Variants in WNT9B observed in about 807,000 individuals in gnomAD.
WNT9B encodes the protein protein Wnt-9b.
WNT9B carries 12 observed loss-of-function variants against 30.2 expected under a neutral mutation model. The observed-to-expected ratio is 0.40, with a 90% CI of 0.26 to 0.64. The LOEUF (loss-of-function observed/expected upper bound fraction) is 0.64. Ranked by LOEUF, WNT9B falls within the 30% of genes least tolerant of loss-of-function variation. The pLI, the probability that WNT9B is intolerant of heterozygous loss-of-function variation, is 0.42. For synonymous variants in WNT9B, 218 were observed against 216.9 expected (o/e 1.01, Z -0.05); for missense variants, 442 against 485.2 (o/e 0.91, Z 0.84).
chr17:46,884,457 A>C (rs1029497855), downstream of WNT9B, among the ~76,000 whole-genome samples: 1 of 151,692 alleles, frequency 6.6e-6, no homozygotes, highest in Admixed American at 6.6e-5. Context: ...TCTGCTTCTC[A>C]TGTTTCCCCA....
In WNT9B at chr17:46,876,551, A is replaced by G. The variant is rs1012364184; in HGVS notation, c.907A>G (p.Arg303Gly). The change falls in exon 4 of 4, where the codon AGG becomes GGG. Residue 303 changes from arginine (R) to glycine (G), a missense_variant. Coordinates refer to ENST00000290015, the MANE Select transcript of WNT9B (RefSeq NM_003396.3). ...PSKYSPGTAG[R>G]VCSREASCSS... is the part of the protein sequence containing the mutation. Reference sequence around the variant, plus strand: ...CAAGTACTCACCTGGCACAGCAGGTAGGGTGTGCTCCCGGGAGGCCAGCTG... The same window carrying G: ...CAAGTACTCACCTGGCACAGCAGGTGGGGTGTGCTCCCGGGAGGCCAGCTG... 1 of 1,613,636 alleles carries G rather than the reference A, an allele frequency of 6.2e-7. No individual in the cohort carries two copies. The highest frequency in any genetic ancestry group is 8.5e-7 in the Non-Finnish European group (1 of 1,180,008).
chr17:46,883,281 CTT>C (rs75762235), downstream of WNT9B, among the ~76,000 whole-genome samples: 2 of 142,610 alleles, frequency 1.4e-5, no homozygotes, highest in Admixed American at 7.1e-5. Context: ...TGCGCCCGGC[CTT>C]TTTTTTTTTT....
intron 1 of WNT9B, among the ~76,000 whole-genome samples, chr17:46,866,251 G>C (rs2085133521): frequency 6.6e-6 from 1 of 152,156 alleles, no homozygotes; most frequent in African/African-American, 2.4e-5. Context: ...CCAGAGCCAT[G>C]GTGCCCTCTC....
intron 1 of WNT9B, among the ~76,000 whole-genome samples, chr17:46,859,121 T>C (rs1598846274): frequency 6.6e-6 from 1 of 151,908 alleles, no homozygotes; most frequent in Non-Finnish European, 1.5e-5. Flanking sequence ...GAAGTACAGA[T>C]GCCCGCCACT....
downstream of WNT9B, among the ~76,000 whole-genome samples, chr17:46,880,656 C>T (rs17603901): frequency 0.066 from 9,984 of 152,306 alleles, 429 homozygotes; most frequent in Non-Finnish European, 0.099. Flanking sequence ...GAAGCCTCCT[C>T]ATTGCAACTG....
intron 1 of WNT9B, among the ~76,000 whole-genome samples, chr17:46,865,772 AT>A (rs1271387625): frequency 6.6e-6 from 1 of 151,920 alleles, no homozygotes. Flanking sequence ...TGCCCAGCTA[AT>A]TTTTTAATTT....
downstream of WNT9B, among the ~76,000 whole-genome samples, chr17:46,883,823 C>T (rs2100146783): frequency 6.6e-6 from 1 of 152,204 alleles, no homozygotes. Flanking sequence ...TCTTTCTCCC[C>T]ACCCTGCATA....
exon 5 of WNT9B, chr17:46,885,638 A>G (rs567977658): frequency 6.6e-6 from 1 of 152,332 alleles, no homozygotes; most frequent in Non-Finnish European, 1.5e-5. Flanking sequence ...AGTGACAGCC[A>G]TCTGTCAATA....
intron 1 of WNT9B, among the ~76,000 whole-genome samples, chr17:46,862,027 G>A (rs1293607358): frequency 6.6e-6 from 1 of 152,048 alleles, no homozygotes; most frequent in African/African-American, 2.4e-5. Context: ...GCTGGGCGTG[G>A]TGACAGCCGC....
chr17:46,886,724 G>A (rs1449075321), exon 5 of WNT9B: 1 of 152,204 alleles, frequency 6.6e-6, no homozygotes, highest in Admixed American at 6.5e-5. Flanking sequence ...AGCCTATTAA[G>A]ATCTTTAAAC....
chr17:46,872,692 G>T lies in WNT9B; in HGVS notation c.253G>T (p.Gly85Cys). Residue 85 changes from glycine to cysteine, a missense_variant, in exon 2 of 4, where the codon GGC (glycine) becomes TGC (cysteine). Coordinates refer to ENST00000290015, the MANE Select transcript of WNT9B (RefSeq NM_003396.3). The part of the protein sequence containing the change: ...AETLRDAAHL[G>C]LLECQFQFRH... ...GACCCTGAGGGATGCTGCGCACCTCGGCCTGCTTGAGTGCCAGTTTCAGTT... is the reference window on the plus strand; with the variant it reads ...GACCCTGAGGGATGCTGCGCACCTCTGCCTGCTTGAGTGCCAGTTTCAGTT... 6.2e-7 allele frequency: 1 copy of T among 1,613,522 alleles called. No individual in the cohort carries two copies. Among genetic ancestry groups the T allele is most frequent in the Non-Finnish European group, 8.5e-7 (1 of 1,180,000 alleles).
At chr17:46,847,997 C>T (rs369082216), upstream of WNT9B, among the ~76,000 whole-genome samples, 36 of 97,948 alleles carry the variant, frequency 3.7e-4, no homozygotes, top group Admixed American at 1.7e-3. Flanking sequence ...TGTGTGTGTG[C>T]ACGTGCATGT....
At chr17:46,839,367 GGCGGGTCCA>G (rs1178182887) in intron 1 of WNT9B, among the ~76,000 whole-genome samples, 1 of 152,206 alleles carries the variant, frequency 6.6e-6, no homozygotes, top group African/African-American at 2.4e-5. Context: ...CTTAGCCCCT[GGCGGGTCCA>G]GGCAGCACTG....
At chr17:46,858,300 G>A (rs932591606) in intron 1 of WNT9B, among the ~76,000 whole-genome samples, 1 of 152,064 alleles carries the variant, frequency 6.6e-6, no homozygotes, top group Admixed American at 6.6e-5. Flanking sequence ...CCCGTGACTT[G>A]CCGTTTCATT....
At position 46,879,731 on chromosome 17, in the gene WNT9B, A is replaced by G. The variant is rs1254775527; in HGVS notation, c.*3013A>G. 6.6e-6 allele frequency among the ~76,000 whole-genome samples: 1 copy of G among 152,208 alleles called. No individual in the cohort carries two copies. The highest frequency in any genetic ancestry group is 1.5e-5 in the Non-Finnish European group (1 of 68,028). ...CGGGCTGACCTGCTCTGAGCCCAGG[A>G]GCCCCAAAGCCTGGATACCACTGTG... On this transcript the variant is annotated 3_prime_UTR_variant, in exon 4 of 4. Coordinates refer to ENST00000290015, the MANE Select transcript of WNT9B (RefSeq NM_003396.3).
chr17:46,877,640 G>A lies in WNT9B; in HGVS notation c.*922G>A, dbSNP rs946813313. 6.6e-6 allele frequency among the ~76,000 whole-genome samples: 1 copy of A among 152,202 alleles called. No individual in the cohort carries two copies. The highest frequency in any genetic ancestry group is 1.9e-4 in the East Asian group (1 of 5,190). ...TCCTGGTGCCTGGCAGTGACGTGGC[G>A]AGCTCAGTTTCTCAGCTGGCTCTTG... On this transcript the variant is annotated 3_prime_UTR_variant, in exon 4 of 4. Coordinates refer to ENST00000290015, the MANE Select transcript of WNT9B (RefSeq NM_003396.3).
intron 1 of WNT9B, among the ~76,000 whole-genome samples, chr17:46,866,339 TA>T (rs1246110039): frequency 6.6e-6 from 1 of 151,960 alleles, no homozygotes; most frequent in Non-Finnish European, 1.5e-5. Flanking sequence ...CAGGAGGGGC[TA>T]GGGGTGTGTG....
intron 1 of WNT9B, among the ~76,000 whole-genome samples, chr17:46,862,409 T>A (rs901713309): frequency 6.6e-6 from 1 of 152,098 alleles, no homozygotes; most frequent in Non-Finnish European, 1.5e-5. Flanking sequence ...CATAATATTC[T>A]CCCTGGTTTG....
chr17:46,864,528 C>G (rs746088920), intron 1 of WNT9B, among the ~76,000 whole-genome samples: 1 of 152,164 alleles, frequency 6.6e-6, no homozygotes, highest in Non-Finnish European at 1.5e-5. Context: ...GGGAAAGTAG[C>G]CTTTAAACAG....
Sources: allele counts gnomAD v4.1 joint callset (sites outside exome capture counted in the v4.1 genomes callset), GRCh38; gene constraint gnomAD v4.1.1; transcripts MANE v1.5; gene names NCBI Gene and HGNC (gene_info 2026-07-23, HGNC 2026-07-21).